ELAVL4: variants seen among roughly 807,000 people sequenced by gnomAD.
ELAVL4 encodes the protein ELAV like RNA binding protein 4, also known as ELAV-like protein 4.
Under a neutral mutation model 35.6 loss-of-function variants are expected in ELAVL4, and 1 was observed. The observed-to-expected ratio is 0.03, with a 90% confidence interval of 0.01 to 0.13. The LOEUF (loss-of-function observed/expected upper bound fraction) is 0.13. Among genes scored for constraint, ELAVL4 ranks in the 10% least tolerant of loss-of-function variants. The pLI is 1.00. For synonymous variants in ELAVL4, 156 were observed against 171.0 expected (o/e 0.91, Z 0.69); for missense variants, 267 against 464.9 (o/e 0.57, Z 3.91).
At chr1:50,135,463 T>C (rs139440136) in intron 1 of ELAVL4, among the ~76,000 whole-genome samples, 1 of 152,216 alleles carries the variant, frequency 6.6e-6, no homozygotes, top group Non-Finnish European at 1.5e-5. Flanking sequence ...AACAAAGGGA[T>C]ATACAATTGA....
intron 1 of ELAVL4, 30 bp downstream of exon 1, chr1:50,109,228 T>C (rs767192233): frequency 1.2e-6 from 2 of 1,610,272 alleles, no homozygotes; most frequent in East Asian, 4.5e-5. Context: ...TAATCTGTTG[T>C]TTGTGTTGCT....
chr1:50,198,397 A>T (rs1644189126), intron 6 of ELAVL4, among the ~76,000 whole-genome samples: 1 of 152,168 alleles, frequency 6.6e-6, no homozygotes, highest in East Asian at 1.9e-4. Context: ...CCTACAGTCA[A>T]GGGAAAGAGA....
chr1:50,181,112 A>G (rs1050245009), intron 3 of ELAVL4: 2 of 152,296 alleles, frequency 1.3e-5, no homozygotes, highest in South Asian at 4.2e-4. Context: ...GATAAGCAAG[A>G]CTTGGAGTAA....
intron 3 of ELAVL4, among the ~76,000 whole-genome samples, chr1:50,178,618 T>C (rs1680492726): frequency 6.6e-6 from 1 of 152,218 alleles, no homozygotes; most frequent in Non-Finnish European, 1.5e-5. Context: ...CTATGAGTTC[T>C]CTAATGAGGA....
At chr1:50,176,945 G>T in intron 2 of ELAVL4, 144 bp from the exon 3 acceptor site, 1 of 610,354 alleles carries the variant, frequency 1.6e-6, no homozygotes, top group East Asian at 2.8e-5. Context: ...TGGTGTAAGA[G>T]GAACTGTATA....
intron 1 of ELAVL4, among the ~76,000 whole-genome samples, chr1:50,055,117 C>T (rs1013231236): frequency 4.6e-5 from 7 of 152,102 alleles, no homozygotes; most frequent in Non-Finnish European, 7.4e-5. Flanking sequence ...TTGAATATGC[C>T]TTCTGTTTCC....
chr1:50,162,488 A>C (rs1432739744), intron 2 of ELAVL4, among the ~76,000 whole-genome samples: 1 of 152,184 alleles, frequency 6.6e-6, no homozygotes, highest in Non-Finnish European at 1.5e-5. Flanking sequence ...ACAAACATCT[A>C]CTTAGGAAGC....
upstream of ELAVL4, chr1:50,105,734 G>C (rs1481379648): frequency 2.6e-5 from 4 of 153,334 alleles, no homozygotes; most frequent in Non-Finnish European, 5.8e-5. Flanking sequence ...TACTGTGTGT[G>C]AGATAAGGGG....
At chr1:50,089,848 C>A (rs1665412259) in intron 1 of ELAVL4, among the ~76,000 whole-genome samples, 1 of 152,122 alleles carries the variant, frequency 6.6e-6, no homozygotes, top group African/African-American at 2.4e-5. Context: ...CTCAGTGATA[C>A]CATCAGGGGT....
intron 2 of ELAVL4, among the ~76,000 whole-genome samples, chr1:50,157,265 G>T (rs1183857150): frequency 2.6e-5 from 4 of 152,140 alleles, no homozygotes; most frequent in African/African-American, 9.7e-5. Context: ...TCAGGTTGTT[G>T]TGCATAAAAT....
upstream of ELAVL4, among the ~76,000 whole-genome samples, chr1:50,108,098 A>G (rs555636031): frequency 1.3e-5 from 2 of 152,212 alleles, no homozygotes; most frequent in Admixed American, 1.3e-4. Context: ...TGGATTTTTA[A>G]AAATTCAGAT....
intron 1 of ELAVL4, among the ~76,000 whole-genome samples, chr1:50,098,198 T>C (rs1665798245): frequency 6.6e-6 from 1 of 152,220 alleles, no homozygotes; most frequent in Non-Finnish European, 1.5e-5. Context: ...GTGGGCAAAG[T>C]AGGTATCAAA....
chr1:50,170,212 T>A (rs924539568), intron 2 of ELAVL4, among the ~76,000 whole-genome samples: 65 of 152,344 alleles, frequency 4.3e-4, no homozygotes, highest in African/African-American at 1.5e-3. Flanking sequence ...GAGCATCTGT[T>A]TTATGGCAGC....
chr1:50,104,760 A>G (rs1666175406), upstream of ELAVL4, among the ~76,000 whole-genome samples: 2 of 152,352 alleles, frequency 1.3e-5, no homozygotes, highest in South Asian at 4.1e-4. Flanking sequence ...CAGGCCATAT[A>G]ACAATATAAG....
At chr1:50,107,088 A>G (rs1239018251), upstream of ELAVL4, among the ~76,000 whole-genome samples, 2 of 152,094 alleles carry the variant, frequency 1.3e-5, no homozygotes, top group African/African-American at 4.8e-5. Context: ...GTGAAATTGC[A>G]CTCAGAGTTT....
intron 1 of ELAVL4, among the ~76,000 whole-genome samples, chr1:50,068,509 T>C (rs1664370129): frequency 6.6e-6 from 1 of 152,188 alleles, no homozygotes; most frequent in South Asian, 2.1e-4. Flanking sequence ...CCTGGTCAAC[T>C]GCTTATGAAC....
chr1:50,101,515 C>T (rs1327299084), upstream of ELAVL4, among the ~76,000 whole-genome samples: 1 of 152,084 alleles, frequency 6.6e-6, no homozygotes, highest in Non-Finnish European at 1.5e-5. Flanking sequence ...ATTTTTTAAT[C>T]TTGCTATTTT....
At chr1:50,185,802 C>G (rs138997957) in intron 3 of ELAVL4, among the ~76,000 whole-genome samples, 15 of 152,188 alleles carry the variant, frequency 9.9e-5, no homozygotes, top group African/African-American at 3.6e-4. Context: ...TACTAAGATT[C>G]GGGCAACATA....
At chr1:50,070,518 G>A (rs1045856803) in intron 1 of ELAVL4, among the ~76,000 whole-genome samples, 4 of 152,144 alleles carry the variant, frequency 2.6e-5, no homozygotes, top group African/African-American at 7.2e-5. Flanking sequence ...CAAGGCGGGC[G>A]GATCATGAGG....
Sources: gnomAD v4.1 joint callset for allele counts (sites outside exome capture counted in the v4.1 genomes callset) on GRCh38, gnomAD v4.1.1 for gene constraint, MANE v1.5 for transcripts, NCBI Gene and HGNC (gene_info 2026-07-23, HGNC 2026-07-21) for gene names.